The following NLRP5 variants were observed in gnomAD, a reference collection of about 807,000 sequenced individuals.
The protein encoded by NLRP5 is NACHT, LRR and PYD domains-containing protein 5.
Under a neutral mutation model 113.1 loss-of-function variants are expected in NLRP5, and 93 were observed. That is an observed-to-expected ratio of 0.82 (90% CI 0.70 to 0.98). The LOEUF (loss-of-function observed/expected upper bound fraction) is 0.98, where lower values mean the gene tolerates loss of function less well. Among genes scored for constraint, NLRP5 ranks in the 50% least tolerant of loss-of-function variants. NLRP5 has a pLI of 0.00. For synonymous variants in NLRP5, 751 were observed against 600.7 expected (o/e 1.25, Z -3.66); for missense variants, 1,808 against 1,514.3 (o/e 1.19, Z -3.22).
In NLRP5 at chr19:56,027,281, A is replaced by C. The variant is rs1982899055; in HGVS notation, c.1048A>C (p.Ile350Leu). 3.1e-6 allele frequency: 5 copies of C among 1,611,994 alleles called. No individual in the cohort carries two copies. Among genetic ancestry groups the C allele is most frequent in the South Asian group, 2.2e-5 (2 of 91,044 alleles). Residue 350 changes from isoleucine to leucine, a missense_variant, in exon 7 of 15, where the codon ATC (isoleucine) becomes CTC (leucine). Physicochemically the swap from Ile to Leu is conservative, Grantham distance 5. Transcript: ENST00000390649. The stretch of plus-strand genomic sequence containing the variant: ...AGACTCCCAGGCTCCGGTGACGGAG[A>C]TCATGTCCCGACCAGAAAGGCTGTT...
At chr19:56,012,602 G>C (rs552104645) in intron 3 of NLRP5, among the ~76,000 whole-genome samples, 1 of 150,084 alleles carries the variant, frequency 6.7e-6, no homozygotes, top group Admixed American at 6.6e-5. Flanking sequence ...TCCTTCAGCA[G>C]AGACAACAAG....
chr19:56,059,411 G>A (rs1425634223), intron 14 of NLRP5, among the ~76,000 whole-genome samples: 1 of 152,210 alleles, frequency 6.6e-6, no homozygotes, highest in African/African-American at 2.4e-5. Flanking sequence ...ACTAACAGGA[G>A]TTCAGAGACT....
intron 12 of NLRP5, among the ~76,000 whole-genome samples, chr19:56,051,931 C>A (rs1411555338): frequency 6.6e-6 from 1 of 152,222 alleles, no homozygotes; most frequent in Non-Finnish European, 1.5e-5. Flanking sequence ...TTCTAGTTCA[C>A]AAACTTCTGA....
chr19:56,042,393 G>C (rs561674044), intron 11 of NLRP5, among the ~76,000 whole-genome samples: 1 of 152,218 alleles, frequency 6.6e-6, no homozygotes, highest in East Asian at 1.9e-4. Flanking sequence ...ACCCAGGTTG[G>C]AGTGGCATGG....
chr19:55,998,672 GTATATATA>G (rs368326842), upstream of NLRP5, among the ~76,000 whole-genome samples: 155 of 105,966 alleles, frequency 1.5e-3, 3 homozygotes, highest in Non-Finnish European at 2.5e-3. Context: ...GTGTGTGTGT[GTATATATA>G]TATATATATA....
At chr19:56,056,214 T>A (rs1160988890) in intron 13 of NLRP5, among the ~76,000 whole-genome samples, 1 of 152,084 alleles carries the variant, frequency 6.6e-6, no homozygotes, top group Admixed American at 6.6e-5. Context: ...AAATCTTCTA[T>A]CAAGAAGCCA....
chr19:56,025,048 G>A (rs367930823), intron 6 of NLRP5, among the ~76,000 whole-genome samples: 1,096 of 30,022 alleles, frequency 0.037, 12 homozygotes, highest in African/African-American at 0.12. Flanking sequence ...TCTGGGTTGC[G>A]TGCTTATGAG....
At chr19:55,995,168 T>G (rs1227952605), upstream of NLRP5, among the ~76,000 whole-genome samples, 2 of 152,052 alleles carry the variant, frequency 1.3e-5, no homozygotes, top group Non-Finnish European at 2.9e-5. Context: ...ATGAGAACAC[T>G]TGGACACAGG....
At chr19:56,015,670 G>C in intron 3 of NLRP5, 72 bp from the exon 4 acceptor site, 1 of 1,252,040 alleles carries the variant, frequency 8.0e-7, no homozygotes, top group Non-Finnish European at 1.1e-6. Flanking sequence ...TTTATCTGGG[G>C]TGTCCAACAT....
At position 56,003,704 on chromosome 19, in the gene NLRP5, T is replaced by G; in HGVS notation, c.63-12T>G. 8 of 1,570,358 alleles carry G rather than the reference T, an allele frequency of 5.1e-6. No homozygotes were observed. The highest frequency in any genetic ancestry group is 6.0e-6 in the Non-Finnish European group (7 of 1,160,238). On this transcript the variant is annotated splice_polypyrimidine_tract_variant and intron_variant, in intron 1 of 14. Coordinates refer to ENST00000390649, the MANE Select transcript of NLRP5 (RefSeq NM_153447.4). ...ATCTACTTGAGAATTTGCTGCAAGA[T>G]CCTCTTTTAAGTCTTGTCACTCTTT... is the stretch of plus-strand genomic sequence containing the variant.
At position 56,006,464 on chromosome 19, in the gene NLRP5, G is replaced by T. The variant is rs562297899; in HGVS notation, c.443-2324G>T. Among the ~76,000 whole-genome samples the T allele has an allele frequency of 3.3e-5, 5 of 152,180 alleles. No individual in the cohort carries two copies. In the East Asian group the frequency reaches 9.7e-4, roughly 30 times the overall value. On this transcript the variant is annotated intron_variant, in intron 2 of 14. Coordinates refer to ENST00000390649, the MANE Select transcript of NLRP5 (RefSeq NM_153447.4). ...GGATGGTATAGGCCAGGTGGGTGTG[G>T]CTAATGCCTGTAATCCCAGCACTCT...
intron 4 of NLRP5, among the ~76,000 whole-genome samples, chr19:56,017,498 T>A (rs1159152793): frequency 6.6e-6 from 1 of 152,204 alleles, no homozygotes; most frequent in Non-Finnish European, 1.5e-5. Context: ...TTCAAAGTAT[T>A]TAATTCCCTT....
chr19:56,001,977 G>GA (rs1981671487), intron 1 of NLRP5, among the ~76,000 whole-genome samples: 2 of 152,216 alleles, frequency 1.3e-5, no homozygotes, highest in South Asian at 4.1e-4. Flanking sequence ...ATAATGACAA[G>GA]AAAAAAGGAA....
chr19:56,013,596 G>GGTTTTCTTTTTTTTTTTTTTTTTTTT (rs1555765383), intron 3 of NLRP5, among the ~76,000 whole-genome samples: 1 of 59,284 alleles, frequency 1.7e-5, no homozygotes, highest in Non-Finnish European at 2.9e-5. Context: ...GGACATTTGG[G>GGTTTTCTTTTTTTTTTTTTTTTTTTT]TTTTTTTTTT....
At chr19:55,994,921 T>C (rs975285793), upstream of NLRP5, among the ~76,000 whole-genome samples, 5 of 152,160 alleles carry the variant, frequency 3.3e-5, no homozygotes, top group Non-Finnish European at 5.9e-5. Context: ...TTGATTTTTA[T>C]ATATGGTGAG....
At chr19:55,990,059 GTTTCTTTTT>G in the NLRP5 span, among the ~76,000 whole-genome samples, 1 of 124,920 alleles carries the variant, frequency 8.0e-6, no homozygotes, top group African/African-American at 2.9e-5. Flanking sequence ...AAGTCATGCC[GTTTCTTTTT>G]TTTCTTTTTT....
intron 1 of NLRP5, among the ~76,000 whole-genome samples, chr19:56,001,338 A>C (rs1568479859): frequency 6.7e-6 from 1 of 149,026 alleles, no homozygotes; most frequent in Admixed American, 6.7e-5. Flanking sequence ...AAAAAAAACA[A>C]ACAAAAAACA....
intron 4 of NLRP5, among the ~76,000 whole-genome samples, chr19:56,017,878 A>G (rs890074436): frequency 1.3e-5 from 2 of 152,166 alleles, no homozygotes; most frequent in African/African-American, 4.8e-5. Flanking sequence ...CGGTCGCGCA[A>G]TCTTGGCTCA....
chr19:56,005,592 CA>C (rs1568481942), intron 2 of NLRP5, among the ~76,000 whole-genome samples: 68 of 147,602 alleles, frequency 4.6e-4, no homozygotes, highest in African/African-American at 1.4e-3. Flanking sequence ...CGCACACACG[CA>C]GGTGGCATGC....
Sources: gnomAD v4.1 joint callset for allele counts (sites outside exome capture counted in the v4.1 genomes callset) on GRCh38, gnomAD v4.1.1 for gene constraint, MANE v1.5 for transcripts, NCBI Gene and HGNC (gene_info 2026-07-23, HGNC 2026-07-21) for gene names.